The following RORB variants were observed in gnomAD, a reference collection of about 807,000 sequenced individuals.
RORB encodes RAR related orphan receptor B, also known as nuclear receptor ROR-beta.
In RORB, 6 loss-of-function variants were observed where a neutral mutation model predicts 59.1. The ratio of observed to expected loss-of-function variants is 0.10; its 90% confidence interval spans 0.06 to 0.20. RORB has a LOEUF of 0.20. Among genes scored for constraint, RORB ranks in the 10% least tolerant of loss-of-function variants. RORB has a pLI of 1.00. For synonymous variants in RORB, 215 were observed against 204.5 expected (o/e 1.05, Z -0.44); for missense variants, 320 against 560.5 (o/e 0.57, Z 4.33).
At position 74,642,515 on chromosome 9, in the gene RORB, G is replaced by A. The variant is rs1391882566; in HGVS notation, c.337G>A (p.Gly113Arg). 1 of 1,614,114 alleles carries A rather than the reference G, an allele frequency of 6.2e-7. No individual in the cohort carries two copies. The highest frequency in any genetic ancestry group is 8.5e-7 in the Non-Finnish European group (1 of 1,180,048). The change falls in exon 4 of 10, where the codon GGG (glycine) becomes AGG (arginine). Residue 113 changes from glycine to arginine, a missense_variant. Gly to Arg is a moderately radical substitution (Grantham distance 125). Transcript: ENST00000376896. ...RLQEQRQQQS[G>R]EAEALARVYS... ...GCAGGAACAGCGGCAGCAGCAGAGT[G>A]GGGAGGCAGAAGCCCTTGCCAGGGT...
At position 74,517,290 on chromosome 9, in the gene RORB, C is replaced by T. The variant is rs139965135; in HGVS notation, c.7+19307C>T. On this transcript the variant is annotated intron_variant, in intron 1 of 9. Coordinates refer to ENST00000376896, the MANE Select transcript of RORB (RefSeq NM_006914.4). ...TAAGATTCCCTTTATTCCCATGATT[C>T]CAATGTTGTTTTCTGCTGTAACGAA... is the stretch of plus-strand genomic sequence containing the variant. Among the ~76,000 whole-genome samples the T allele has an allele frequency of 3.4e-3, 512 of 152,004 alleles. 1 individual carries two copies. The highest frequency in any genetic ancestry group is 0.011 in the African/African-American group (474 of 41,488).
chr9:74,592,249 G>C (rs1235993387), intron 1 of RORB, among the ~76,000 whole-genome samples: 3 of 152,124 alleles, frequency 2.0e-5, no homozygotes, highest in Non-Finnish European at 2.9e-5. Flanking sequence ...GTAGTACCTA[G>C]AGTGGAAGGA....
chr9:74,662,518 C>T lies in RORB; in HGVS notation c.804C>T (p.His268=), dbSNP rs138013333. ...AACAATGTGCCATCCAGATCACTCA[C>T]GCCATCCAATACGTGGTGGAGTTTG... ...LWQQCAIQIT[H]AIQYVVEFAK... Residue 268 remains histidine (H), a synonymous_variant, in exon 6 of 10, where the codon CAC becomes CAT. Transcript: ENST00000376896. The T allele has an allele frequency of 6.2e-7, 1 of 1,614,028 alleles. No individual in the cohort carries two copies. The highest frequency in any genetic ancestry group is 8.5e-7 in the Non-Finnish European group (1 of 1,179,904).
rs192222781 is a variant in RORB, at chr9:74,603,793, G to A, written c.8-26489G>A. ...AGGGTTCAGGCTGACATAACACATT[G>A]TAAAGTTGCTATTTTGCCTGTGTGA... On this transcript the variant is annotated intron_variant, in intron 1 of 9. Transcript: ENST00000376896. 2.6e-5 allele frequency among the ~76,000 whole-genome samples: 4 copies of A among 152,318 alleles called. No individual in the cohort carries two copies. In the East Asian group the frequency reaches 7.7e-4, roughly 29 times the overall value.
At chr9:74,548,167 C>T (rs1168588469) in intron 1 of RORB, among the ~76,000 whole-genome samples, 1 of 152,040 alleles carries the variant, frequency 6.6e-6, no homozygotes, top group Non-Finnish European at 1.5e-5. Flanking sequence ...ACGGCATGAC[C>T]GTGTGGGGAG....
chr9:74,613,604 G>A (rs965111085), intron 1 of RORB, among the ~76,000 whole-genome samples: 2 of 152,118 alleles, frequency 1.3e-5, no homozygotes, highest in Non-Finnish European at 2.9e-5. Context: ...GGAAATCCCT[G>A]GACATCAATA....
chr9:74,674,400 T>G (rs763087800), intron 9 of RORB, among the ~76,000 whole-genome samples: 1 of 152,202 alleles, frequency 6.6e-6, no homozygotes, highest in Non-Finnish European at 1.5e-5. Context: ...TTCCAGGGGC[T>G]CCGGTGAAAT....
chr9:74,674,382 G>T (rs17060403), intron 9 of RORB, among the ~76,000 whole-genome samples: 9,076 of 152,232 alleles, frequency 0.06, 485 homozygotes, highest in East Asian at 0.29. Context: ...CCGAAATGTT[G>T]TGTTGAATTC....
rs537122503 is a variant in RORB at position 74,528,003 on chromosome 9, C to T, written c.7+30020C>T. Among the ~76,000 whole-genome samples, 4 of 152,106 alleles carry T rather than the reference C, an allele frequency of 2.6e-5. No homozygotes were observed. The South Asian group carries it at 6.2e-4, about 24-fold the overall frequency. ...CTTCCAAGACAGAGATCTATATAGA[C>T]GATCAACAGATGACCATAAATATAG... On this transcript the variant is annotated intron_variant, in intron 1 of 9. Coordinates refer to ENST00000376896, the MANE Select transcript of RORB (RefSeq NM_006914.4).
At chr9:74,646,319 T>C (rs909658606) in intron 4 of RORB, among the ~76,000 whole-genome samples, 2 of 152,134 alleles carry the variant, frequency 1.3e-5, no homozygotes, top group African/African-American at 4.8e-5. Context: ...CTCATGAGTT[T>C]GAAATTTTTG....
chr9:74,634,905 A>C (rs1050227332), intron 3 of RORB, 133 bp downstream of exon 3: 1 of 772,214 alleles, frequency 1.3e-6, no homozygotes, highest in Admixed American at 2.9e-5. Context: ...CTGTGCTGCT[A>C]GTGCATTACA....
intron 1 of RORB, among the ~76,000 whole-genome samples, chr9:74,601,313 A>G (rs1023300537): frequency 6.6e-6 from 1 of 150,878 alleles, no homozygotes; most frequent in Admixed American, 6.6e-5. Flanking sequence ...TCTTTTAACA[A>G]TTGTGGTTTT....
intron 1 of RORB, among the ~76,000 whole-genome samples, chr9:74,551,837 G>T (rs1293771559): frequency 6.6e-6 from 1 of 152,092 alleles, no homozygotes; most frequent in African/African-American, 2.4e-5. Flanking sequence ...TTATTATGGA[G>T]TACTTTTTCA....
intron 4 of RORB, among the ~76,000 whole-genome samples, chr9:74,644,049 G>C (rs1039267284): frequency 6.6e-6 from 1 of 152,122 alleles, no homozygotes; most frequent in African/African-American, 2.4e-5. Flanking sequence ...CTACATGCTC[G>C]GTCACCTTCT....
intron 1 of RORB, among the ~76,000 whole-genome samples, chr9:74,503,644 A>G (rs566940498): frequency 6.6e-6 from 1 of 152,208 alleles, no homozygotes; most frequent in Admixed American, 6.5e-5. Flanking sequence ...CAAAGAATTC[A>G]GGACTGCCAA....
chr9:74,675,097 A>G (rs1824414613), intron 9 of RORB, among the ~76,000 whole-genome samples: 1 of 152,174 alleles, frequency 6.6e-6, no homozygotes, highest in Non-Finnish European at 1.5e-5. Context: ...TGAGCTAGTC[A>G]CTGATAGATG....
chr9:74,632,811 G>A (rs1823640687), intron 2 of RORB, among the ~76,000 whole-genome samples: 1 of 152,124 alleles, frequency 6.6e-6, no homozygotes, highest in South Asian at 2.1e-4. Context: ...CTGAGGTTAT[G>A]CTTCCTGACA....
rs377409877 is a variant in RORB at position 74,662,624 on chromosome 9, T to C, written c.892+18T>C. On this transcript the variant is annotated intron_variant, in intron 6 of 9. Transcript: ENST00000376896. Reference sequence around the variant, plus strand: ...GAAGTCAGGTAAGCAAGAAGATTCATGGGAGGCCTATTTCAGATAAGGATG... The same window carrying C: ...GAAGTCAGGTAAGCAAGAAGATTCACGGGAGGCCTATTTCAGATAAGGATG... 2.0e-5 allele frequency: 33 copies of C among 1,611,670 alleles called. No homozygotes were observed. The African/African-American group carries it at 4.0e-4, about 20-fold the overall frequency.
chr9:74,577,052 A>G (rs1822646606), intron 1 of RORB, among the ~76,000 whole-genome samples: 1 of 152,120 alleles, frequency 6.6e-6, no homozygotes, highest in African/African-American at 2.4e-5. Context: ...TGTAGGTTAC[A>G]AGAAAGACTG....
Sources: allele counts gnomAD v4.1 joint callset (sites outside exome capture counted in the v4.1 genomes callset), GRCh38; gene constraint gnomAD v4.1.1; transcripts MANE v1.5; gene names NCBI Gene and HGNC (gene_info 2026-07-23, HGNC 2026-07-21).